POU2F2: variants seen among roughly 807,000 people sequenced by gnomAD.
POU2F2 encodes POU domain, class 2, transcription factor 2.
Under a neutral mutation model 63.5 loss-of-function variants are expected in POU2F2, and 14 were observed. The observed-to-expected ratio is 0.22, with a 90% CI of 0.15 to 0.34. POU2F2 has a LOEUF of 0.34. Among genes scored for constraint, POU2F2 ranks in the 10% least tolerant of loss-of-function variants. POU2F2 has a pLI of 1.00. For synonymous variants in POU2F2, 306 were observed against 348.6 expected (o/e 0.88, Z 1.36); for missense variants, 607 against 815.2 (o/e 0.74, Z 3.11).
chr19:42,165,360 G>A (rs2034630461), intron 1 of POU2F2, among the ~76,000 whole-genome samples: 1 of 152,224 alleles, frequency 6.6e-6, no homozygotes, highest in Admixed American at 6.5e-5. Context: ...CAGGAAACTG[G>A]CTGAGGGCTT....
At chr19:42,193,401 C>CT (rs2035095769) in intron 1 of POU2F2, among the ~76,000 whole-genome samples, 1 of 152,106 alleles carries the variant, frequency 6.6e-6, no homozygotes, top group South Asian at 2.1e-4. Context: ...CACATATACC[C>CT]TTCTAAGAGG....
chr19:42,118,035 C>A (rs1003390017), intron 4 of POU2F2, among the ~76,000 whole-genome samples: 1 of 152,132 alleles, frequency 6.6e-6, no homozygotes, highest in African/African-American at 2.4e-5. Flanking sequence ...AGCAATCCTC[C>A]CACCTCAGCT....
chr19:42,111,718 T>A (rs927449580), intron 5 of POU2F2, among the ~76,000 whole-genome samples: 1 of 152,126 alleles, frequency 6.6e-6, no homozygotes, highest in Non-Finnish European at 1.5e-5. Flanking sequence ...AGGATCCCCA[T>A]CCTCACCCTC....
chr19:42,151,067 C>G (rs2034338315), intron 2 of POU2F2, among the ~76,000 whole-genome samples: 1 of 152,344 alleles, frequency 6.6e-6, no homozygotes, highest in South Asian at 2.1e-4. Flanking sequence ...CCTACCTGGC[C>G]CCCTGCTCAC....
chr19:42,164,211 G>C (rs910193735), intron 1 of POU2F2, among the ~76,000 whole-genome samples: 17 of 150,962 alleles, frequency 1.1e-4, no homozygotes, highest in African/African-American at 3.4e-4. Flanking sequence ...AGAATCTCTT[G>C]AACCCAGGAG....
At chr19:42,148,882 C>G (rs1184987993) in intron 2 of POU2F2, among the ~76,000 whole-genome samples, 1 of 152,086 alleles carries the variant, frequency 6.6e-6, no homozygotes, top group East Asian at 1.9e-4. Flanking sequence ...TGGACATGGA[C>G]CCAGGCGTCT....
At position 42,158,195 on chromosome 19, in the gene POU2F2, C is replaced by T. The variant is rs1027815374; in HGVS notation, c.-9+2137G>A. Among the ~76,000 whole-genome samples, 4 of 152,226 alleles carry T rather than the reference C, an allele frequency of 2.6e-5. No individual in the cohort carries two copies. In the East Asian group the frequency reaches 5.8e-4, roughly 22 times the overall value. ...GGCAACAGCCTTCAAGGCCAGTTTA[C>T]AAACTCCATCAGCAAAGCATCTCTC... On this transcript the variant is annotated intron_variant, in intron 2 of 6. Coordinates refer to the POU2F2 transcript ENST00000524801.
intron 1 of POU2F2, among the ~76,000 whole-genome samples, chr19:42,181,348 T>C (rs567275611): frequency 1.3e-3 from 203 of 152,332 alleles, no homozygotes; most frequent in African/African-American, 4.7e-3. Context: ...CAGATTCCTC[T>C]GAGGAATGTG....
chr19:42,181,065 AT>A (rs2034954680), intron 1 of POU2F2, among the ~76,000 whole-genome samples: 1 of 152,172 alleles, frequency 6.6e-6, no homozygotes, highest in Non-Finnish European at 1.5e-5. Context: ...TGGTATCTTA[AT>A]TATCCAGAAT....
rs116926480 is a variant in POU2F2, at chr19:42,102,830, C to T, written c.370-3009G>A. 4.1e-4 allele frequency among the ~76,000 whole-genome samples: 63 copies of T among 152,216 alleles called. No homozygotes were observed. In the East Asian group the frequency reaches 7.9e-3, roughly 19 times the overall value. ...CATGACATAATTCTCTCTACTTTTA[C>T]GTTTAAACATTTCTGAAAGAAAAAG... On this transcript the variant is annotated intron_variant, in intron 5 of 14. Coordinates refer to ENST00000692977, the MANE Select transcript of POU2F2 (RefSeq NM_001394376.1).
chr19:42,103,598 A>G (rs1330787963), intron 5 of POU2F2, among the ~76,000 whole-genome samples: 2 of 149,842 alleles, frequency 1.3e-5, no homozygotes, highest in Non-Finnish European at 3.0e-5. Flanking sequence ...GGGAAAATAT[A>G]TAAGCAATTC....
chr19:42,122,506 C>T lies in POU2F2; in HGVS notation c.94+5G>A. On this transcript the variant is annotated splice_donor_5th_base_variant and intron_variant, in intron 2 of 14. Coordinates refer to ENST00000692977, the MANE Select transcript of POU2F2 (RefSeq NM_001394376.1). ...CCCCTGCCCCCCTGCTCCCTGCCCA[C>T]CCACCTGTGTGCTCTGATGGGGAGT... is the stretch of plus-strand genomic sequence containing the variant. 6.2e-7 allele frequency: 1 copy of T among 1,611,126 alleles called. No homozygotes were observed. The highest frequency in any genetic ancestry group is 8.5e-7 in the Non-Finnish European group (1 of 1,178,294).
At chr19:42,193,616 T>C (rs2035097771) in intron 1 of POU2F2, among the ~76,000 whole-genome samples, 1 of 152,262 alleles carries the variant, frequency 6.6e-6, no homozygotes, top group Non-Finnish European at 1.5e-5. Context: ...TTTAGATTTC[T>C]GGCTTCCTGA....
chr19:42,113,076 T>A (rs1218621631), intron 5 of POU2F2, among the ~76,000 whole-genome samples: 1 of 152,190 alleles, frequency 6.6e-6, no homozygotes. Flanking sequence ...CACATTCCCA[T>A]CACACTCAGT....
Position 42,091,093 on chromosome 19 carries a change from C to A in POU2F2, c.*164G>T. 5 of 541,784 alleles carry A rather than the reference C, an allele frequency of 9.2e-6. No individual in the cohort carries two copies. Among genetic ancestry groups the A allele is most frequent in the Admixed American group, 4.0e-5 (1 of 24,844 alleles). The allele number at this position is 541,784 out of a possible 1,614,324, so 33.6% of individuals were successfully genotyped here. ...TTCTCTTTTGTTGGTTAGTTTCTTT[C>A]CTTTTTTTTTTTTTTTTTGGTTGGT... is the stretch of plus-strand genomic sequence containing the variant. On this transcript the variant is annotated 3_prime_UTR_variant, in exon 15 of 15. Transcript: ENST00000692977.
At position 42,175,207 on chromosome 19, in the gene POU2F2, G is replaced by A. The variant is rs529205443; in HGVS notation, c.-70+756C>T. On this transcript the variant is annotated intron_variant, in intron 1 of 6. Coordinates refer to the POU2F2 transcript ENST00000524801. ...GCAGGACTTCTCCAGGAGGCCACAA[G>A]GAAGTAGGGGGTGGCACTAGAACCC... is the stretch of plus-strand genomic sequence containing the variant. Among the ~76,000 whole-genome samples the A allele has an allele frequency of 2.2e-3, 331 of 152,290 alleles. 3 individuals carry two copies. Among genetic ancestry groups the A allele is most frequent in the South Asian group, 0.018 (85 of 4,830 alleles).
intron 5 of POU2F2, among the ~76,000 whole-genome samples, chr19:42,115,599 A>T (rs2146547465): frequency 6.6e-6 from 1 of 152,328 alleles, no homozygotes; most frequent in Non-Finnish European, 1.5e-5. Flanking sequence ...CAGACAGACA[A>T]CATGAATGGG....
upstream of POU2F2, among the ~76,000 whole-genome samples, chr19:42,178,223 A>G (rs1285500398): frequency 6.6e-6 from 1 of 152,082 alleles, no homozygotes; most frequent in Non-Finnish European, 1.5e-5. Flanking sequence ...AGACAAAGAG[A>G]TAAGGAGAAG....
At chr19:42,099,653 G>A in intron 6 of POU2F2, 35 bp from the exon 7 acceptor site, 1 of 1,604,754 alleles carries the variant, frequency 6.2e-7, no homozygotes, top group Non-Finnish European at 8.5e-7. Context: ...AGGGTGAGGG[G>A]GAGGGGAAGG....
Sources: allele counts gnomAD v4.1 joint callset (sites outside exome capture counted in the v4.1 genomes callset), GRCh38; gene constraint gnomAD v4.1.1; transcripts MANE v1.5; gene names NCBI Gene and HGNC (gene_info 2026-07-23, HGNC 2026-07-21).